The following USP31 variants were observed in gnomAD, a reference collection of about 807,000 sequenced individuals.
USP31 encodes ubiquitin specific peptidase 31, also known as ubiquitin carboxyl-terminal hydrolase 31.
USP31 carries 44 observed loss-of-function variants against 119.4 expected under a neutral mutation model. That is an observed-to-expected ratio of 0.37 (90% confidence interval 0.29 to 0.47). The LOEUF (loss-of-function observed/expected upper bound fraction) is 0.47, where lower values mean the gene tolerates loss of function less well. Among genes scored for constraint, USP31 ranks in the 20% least tolerant of loss-of-function variants. USP31 has a pLI of 0.99. For missense variants in USP31, 1,643 were observed against 1,730.2 expected, an observed-to-expected ratio of 0.95 and a Z score of 0.89; for synonymous variants, 749 against 705.6, an observed-to-expected ratio of 1.06 and a Z score of -0.97.
chr16:23,109,716 T>C (rs1255516365), intron 1 of USP31, among the ~76,000 whole-genome samples: 1 of 152,038 alleles, frequency 6.6e-6, no homozygotes, highest in African/African-American at 2.4e-5. Context: ...GTCAGGTTGC[T>C]AGCATGTGCA....
Position 23,148,625 on chromosome 16 carries a change from C to A in USP31, c.633+13G>T. The A allele has an allele frequency of 6.9e-7, 1 of 1,457,142 alleles. No individual in the cohort carries two copies. Among genetic ancestry groups the A allele is most frequent in the Non-Finnish European group, 9.0e-7 (1 of 1,112,394 alleles). 90.3% of individuals were successfully genotyped at this position (1,457,142 alleles called of 1,614,324 possible). ...TCGGGGTGCAGTGGGGGCGCGGCGG[C>A]GCGCGGGCTCACCTTGAAGTCGCGG... On this transcript the variant is annotated intron_variant, in intron 1 of 15. Transcript: ENST00000219689.
chr16:23,112,062 C>T (rs948183273), intron 1 of USP31, among the ~76,000 whole-genome samples: 3 of 152,148 alleles, frequency 2.0e-5, no homozygotes, highest in African/African-American at 7.2e-5. Flanking sequence ...GGAGGTGTCA[C>T]TGACACAACT....
At chr16:23,090,370 A>G (rs1272035888) in intron 7 of USP31, among the ~76,000 whole-genome samples, 1 of 152,180 alleles carries the variant, frequency 6.6e-6, no homozygotes, top group Non-Finnish European at 1.5e-5. Context: ...TGGGCAACAC[A>G]GCGAGACTCC....
At chr16:23,140,071 A>G (rs924233442) in intron 1 of USP31, among the ~76,000 whole-genome samples, 1 of 151,660 alleles carries the variant, frequency 6.6e-6, no homozygotes, top group African/African-American at 2.4e-5. Context: ...CATTTGATTC[A>G]TTTTCACTCA....
chr16:23,126,396 G>A lies in USP31; in HGVS notation c.634-18213C>T, dbSNP rs138243563. On this transcript the variant is annotated intron_variant, in intron 1 of 15. Coordinates refer to ENST00000219689, the MANE Select transcript of USP31 (RefSeq NM_020718.4). ...TCCCAGCACTTTGGGAGGCTGAGGC[G>A]GGTGGATCACAAGGTCAGGAGATGG... 7.6e-3 allele frequency among the ~76,000 whole-genome samples: 1,147 copies of A among 150,696 alleles called. 11 individuals carry two copies. The highest frequency in any genetic ancestry group is 0.025 in the African/African-American group (1,040 of 40,974).
Position 23,106,496 on chromosome 16 carries a change from AAAAG to A in USP31, c.772-13_772-10del. Reference sequence around the variant, plus strand: ...TCAGTCTCTGATGGTGGCTAAAAAAAAAAGAAAGTACAACTTCACAGACTAGAAA... The same window carrying A: ...TCAGTCTCTGATGGTGGCTAAAAAAAAAAGTACAACTTCACAGACTAGAAA... On this transcript the variant is annotated splice_polypyrimidine_tract_variant and intron_variant, in intron 2 of 15. Coordinates refer to ENST00000219689, the MANE Select transcript of USP31 (RefSeq NM_020718.4). 1 of 1,599,210 alleles carries A rather than the reference AAAAG, an allele frequency of 6.3e-7. No individual in the cohort carries two copies. The highest frequency in any genetic ancestry group is 1.8e-5 in the Admixed American group (1 of 56,832).
rs901728070 is a variant in USP31 at position 23,063,518 on chromosome 16, G to A, written c.*4528C>T. ...ACAAAACACTTTAGGAAAGTCTTCA[G>A]GCTAAATACAGTATGTACACCAATG... On this transcript the variant is annotated 3_prime_UTR_variant, in exon 16 of 16. Transcript: ENST00000219689. 6.6e-6 allele frequency: 1 copy of A among 152,500 alleles called. No individual in the cohort carries two copies. The highest frequency in any genetic ancestry group is 2.4e-5 in the African/African-American group (1 of 41,424). The allele number at this position is 152,500 out of a possible 1,614,324, so 9.4% of individuals were successfully genotyped here.
At position 23,085,565 on chromosome 16, in the gene USP31, C is replaced by A; in HGVS notation, c.1700+20G>T. The A allele has an allele frequency of 6.3e-7, 1 of 1,599,278 alleles. No individual in the cohort carries two copies. Among genetic ancestry groups the A allele is most frequent in the Non-Finnish European group, 8.6e-7 (1 of 1,168,938 alleles). On this transcript the variant is annotated intron_variant, in intron 10 of 15. Transcript: ENST00000219689. ...AATTAAAACAATGTTTCTATAAACACTAACTTTAAAAATACTCACAAATCT... is the reference window on the plus strand; with the variant it reads ...AATTAAAACAATGTTTCTATAAACAATAACTTTAAAAATACTCACAAATCT...
intron 10 of USP31, among the ~76,000 whole-genome samples, 165 bp from the exon 11 acceptor site, chr16:23,085,154 G>A (rs1016159945): frequency 1.1e-4 from 16 of 152,080 alleles, no homozygotes; most frequent in Non-Finnish European, 2.4e-4. Context: ...ATTCCAAAAT[G>A]TTCTTGAAAA....
intron 6 of USP31, among the ~76,000 whole-genome samples, chr16:23,101,992 A>AC (rs1901892019): frequency 6.7e-6 from 1 of 150,348 alleles, no homozygotes; most frequent in Admixed American, 6.7e-5. Context: ...AAAAAAAAAA[A>AC]AAACCTATGG....
chr16:23,069,347 T>C lies in USP31; in HGVS notation c.2758A>G (p.Ser920Gly), dbSNP rs201064419. The C allele has an allele frequency of 1.7e-5, 28 of 1,604,366 alleles. No individual in the cohort carries two copies. In the East Asian group the frequency reaches 6.0e-4, roughly 35 times the overall value. The change falls in exon 16 of 16, where the codon AGC (serine) becomes GGC (glycine). Residue 920 changes from serine (S) to glycine (G), a missense_variant. By Grantham distance (56) the Ser-to-Gly change is moderately conservative (BLOSUM62 0). This residue lies in a region of USP31 where 699 missense variants were observed against 650.9 expected (regional missense o/e 1.07). Coordinates refer to ENST00000219689, the MANE Select transcript of USP31 (RefSeq NM_020718.4). ...CTGTCGCTTGGTTCCTGGTAACTGCTAGAAAGGTTCCGCAAGCTACCAAAG... is the reference window on the plus strand; with the variant it reads ...CTGTCGCTTGGTTCCTGGTAACTGCCAGAAAGGTTCCGCAAGCTACCAAAG... ...SCFGSLRNLS[S>G]SYQEPSDSHS...
intron 1 of USP31, among the ~76,000 whole-genome samples, chr16:23,141,479 G>C (rs775093255): frequency 1.3e-5 from 2 of 151,914 alleles, no homozygotes; most frequent in African/African-American, 2.4e-5. Flanking sequence ...CTTGGCTCAG[G>C]TGATCTTCCC....
chr16:23,101,220 T>C (rs374784773), intron 6 of USP31, among the ~76,000 whole-genome samples: 23 of 152,146 alleles, frequency 1.5e-4, no homozygotes, highest in African/African-American at 4.6e-4. Context: ...TCAGTGGCAG[T>C]AGAATAAAGG....
At chr16:23,074,948 C>A (rs373595792) in intron 13 of USP31, among the ~76,000 whole-genome samples, 1 of 152,146 alleles carries the variant, frequency 6.6e-6, no homozygotes, top group African/African-American at 2.4e-5. Flanking sequence ...AATGCTGGAA[C>A]AGACTCAGGA....
intron 14 of USP31, 120 bp downstream of exon 14, chr16:23,073,601 AC>A (rs1423282197): frequency 1.6e-6 from 2 of 1,234,120 alleles, no homozygotes; most frequent in Admixed American, 5.4e-5. Context: ...TTAAATGGAA[AC>A]GTAAGGATTC....
chr16:23,146,697 G>A (rs1031971413), intron 1 of USP31, among the ~76,000 whole-genome samples: 10 of 152,058 alleles, frequency 6.6e-5, no homozygotes, highest in East Asian at 5.8e-4. Context: ...AGTATTAAAC[G>A]GGGAGAGATG....
intron 1 of USP31, among the ~76,000 whole-genome samples, chr16:23,121,032 G>A (rs1157006818): frequency 1.3e-5 from 2 of 152,218 alleles, no homozygotes; most frequent in East Asian, 3.9e-4. Context: ...ATTTTATAAG[G>A]AGATCCAAAA....
intron 15 of USP31, among the ~76,000 whole-genome samples, chr16:23,070,711 T>TA (rs34018986): frequency 6.6e-4 from 96 of 146,260 alleles, no homozygotes; most frequent in South Asian, 1.5e-3. Flanking sequence ...AGACTCCGTT[T>TA]AAAAAAAAAA....
In USP31 at chr16:23,073,168, C is replaced by G. The variant is rs150451197; in HGVS notation, c.2335+554G>C. On this transcript the variant is annotated intron_variant, in intron 14 of 15. Coordinates refer to ENST00000219689, the MANE Select transcript of USP31 (RefSeq NM_020718.4). ...TTAAACACAACAGGCTGGATGTCAT[C>G]CGGCTAAACCCAAGCCACCTAATAT... Among the ~76,000 whole-genome samples, 496 of 152,218 alleles carry G rather than the reference C, an allele frequency of 3.3e-3. 6 individuals carry two copies. Among genetic ancestry groups the G allele is most frequent in the African/African-American group, 0.011 (468 of 41,518 alleles).
Sources: gnomAD v4.1 joint callset for allele counts (sites outside exome capture counted in the v4.1 genomes callset) on GRCh38, gnomAD v4.1.1 for gene constraint, gnomAD v4.1.1 regional missense constraint, MANE v1.5 for transcripts, NCBI Gene and HGNC (gene_info 2026-07-23, HGNC 2026-07-21) for gene names.